FBLN1: variants seen among roughly 807,000 people sequenced by gnomAD.
The protein encoded by FBLN1 is fibulin-1.
In FBLN1, 34 loss-of-function variants were observed where a neutral mutation model predicts 89.7. The ratio of observed to expected loss-of-function variants is 0.38; its 90% CI spans 0.29 to 0.50. FBLN1 has a LOEUF of 0.50. Ranked by LOEUF, FBLN1 falls within the 20% of genes least tolerant of loss-of-function variation. The probability of loss-of-function intolerance (pLI) is 0.92; values close to 1 mark genes in which losing one functional copy is unlikely to be tolerated. For missense variants in FBLN1, 777 were observed against 988.1 expected, an observed-to-expected ratio of 0.79 and a Z score of 2.86; for synonymous variants, 393 against 391.3, an observed-to-expected ratio of 1.00 and a Z score of -0.05.
rs550874569 is a variant in FBLN1, at chr22:45,505,119, A to C, written c.79+2055A>C. ...GAGAAGGGCGCTGATCTTTCTTGCC[A>C]AACGGCCGAGAGGAGCCGCCTGTCT... is the stretch of plus-strand genomic sequence containing the variant. On this transcript the variant is annotated intron_variant, in intron 1 of 16. Coordinates refer to ENST00000327858, the MANE Select transcript of FBLN1 (RefSeq NM_006486.3). 5.9e-5 allele frequency among the ~76,000 whole-genome samples: 9 copies of C among 152,340 alleles called. No homozygotes were observed. The East Asian group carries it at 1.5e-3, about 26-fold the overall frequency.
intron 12 of FBLN1, 118 bp downstream of exon 12, chr22:45,547,322 G>C: frequency 7.1e-7 from 1 of 1,418,436 alleles, no homozygotes; most frequent in Non-Finnish European, 9.7e-7. Flanking sequence ...TTCTTCACCT[G>C]ACAAACCTTC....
intron 14 of FBLN1, among the ~76,000 whole-genome samples, chr22:45,553,427 T>C (rs12158410): frequency 0.073 from 11,102 of 152,264 alleles, 1,323 homozygotes; most frequent in African/African-American, 0.25. Flanking sequence ...TGCTCTGTAA[T>C]ACATTCAGTG....
chr22:45,544,517 A>G (rs1333798938), intron 11 of FBLN1, among the ~76,000 whole-genome samples: 1 of 152,248 alleles, frequency 6.6e-6, no homozygotes, highest in Non-Finnish European at 1.5e-5. Flanking sequence ...TTGGTTGCAC[A>G]TCTCAAAGGG....
intron 16 of FBLN1, among the ~76,000 whole-genome samples, chr22:45,598,342 A>G (rs2089203403): frequency 6.6e-6 from 1 of 152,238 alleles, no homozygotes; most frequent in African/African-American, 2.4e-5. Flanking sequence ...ACGACCAGAG[A>G]GCCACCTGTT....
chr22:45,568,626 TA>T lies in FBLN1; in HGVS notation c.1698-5883del, dbSNP rs1169938035. 9.2e-4 allele frequency among the ~76,000 whole-genome samples: 106 copies of T among 115,578 alleles called. 11 individuals carry two copies. The highest frequency in any genetic ancestry group is 3.5e-3 in the African/African-American group (101 of 28,710). 75.8% of individuals were successfully genotyped at this position (115,578 alleles called of 152,430 possible). A position where few individuals can be genotyped will look rare whatever the true frequency, so the allele number is the denominator to read the frequency against. ...CTTCTGTAAGGGAATGCTCCTCCTG[TA>T]AGGGAATGCCTCTTCTGTGGGAGAA... On this transcript the variant is annotated intron_variant, in intron 14 of 16. Transcript: ENST00000327858.
intron 14 of FBLN1, chr22:45,564,854 G>A: frequency 6.2e-7 from 1 of 1,613,090 alleles, no homozygotes; most frequent in Non-Finnish European, 8.5e-7. Flanking sequence ...CATTTCTGTG[G>A]CTGTGACACT....
At chr22:45,534,002 CTG>C in intron 7 of FBLN1, 104 bp downstream of exon 7, 1 of 1,499,790 alleles carries the variant, frequency 6.7e-7, no homozygotes, top group Non-Finnish European at 9.2e-7. Context: ...CCTGCGCCCT[CTG>C]TGGCTGCCTG....
Position 45,532,056 on chromosome 22 carries a change from A to G in FBLN1, c.544+732A>G, listed in dbSNP as rs752954766. 1.3e-5 allele frequency among the ~76,000 whole-genome samples: 2 copies of G among 152,312 alleles called. No individual in the cohort carries two copies. Among genetic ancestry groups the G allele is most frequent in the South Asian group, 2.1e-4 (1 of 4,816 alleles). On this transcript the variant is annotated intron_variant, in intron 5 of 16. Transcript: ENST00000327858. This position sits in a 1 kb window ranked among gnomAD's most constrained non-coding sequence, Gnocchi z 4.2. Reference sequence around the variant, plus strand: ...CTTTTCTTTCATGGAACATTCTGGCATGTCTAGACCTGCAGATCTGCCTCA... The same window carrying G: ...CTTTTCTTTCATGGAACATTCTGGCGTGTCTAGACCTGCAGATCTGCCTCA...
At chr22:45,526,274 C>T (rs1602176419) in intron 3 of FBLN1, among the ~76,000 whole-genome samples, 1 of 152,346 alleles carries the variant, frequency 6.6e-6, no homozygotes, top group East Asian at 1.9e-4. Flanking sequence ...GTCCTCTTCC[C>T]TGAGTGCTCC....
rs1950513064 is a variant in FBLN1, at chr22:45,537,051, G to T, written c.922+1714G>T. 6.6e-6 allele frequency among the ~76,000 whole-genome samples: 1 copy of T among 152,184 alleles called. No individual in the cohort carries two copies. The highest frequency in any genetic ancestry group is 1.5e-5 in the Non-Finnish European group (1 of 68,038). On this transcript the variant is annotated intron_variant, in intron 8 of 16. Coordinates refer to ENST00000327858, the MANE Select transcript of FBLN1 (RefSeq NM_006486.3). The surrounding 1 kb of genome is among the most constrained non-coding windows in gnomAD (Gnocchi z 5.7). The stretch of plus-strand genomic sequence containing the variant: ...CCGGCTCTCCCTCGGCCTCTGCTTG[G>T]CAGACGCCCCTGGGTCCTGCCTTTG...
At chr22:45,567,271 A>G (rs2088908021) in intron 14 of FBLN1, among the ~76,000 whole-genome samples, 1 of 152,198 alleles carries the variant, frequency 6.6e-6, no homozygotes, top group African/African-American at 2.4e-5. Context: ...TAGCTAAAGG[A>G]GGAGGCAGTG....
In FBLN1 at chr22:45,545,543, A is replaced by T. The variant is rs905194951; in HGVS notation, c.1322-1542A>T. 6.6e-6 allele frequency among the ~76,000 whole-genome samples: 1 copy of T among 152,218 alleles called. No individual in the cohort carries two copies. Among genetic ancestry groups the T allele is most frequent in the Non-Finnish European group, 1.5e-5 (1 of 68,040 alleles). On this transcript the variant is annotated intron_variant, in intron 11 of 16. Transcript: ENST00000327858. The surrounding 1 kb of genome is among the most constrained non-coding windows in gnomAD (Gnocchi z 5.9). ...CACATTAGTGGACAATATTGTGGAT[A>T]TAGAACCAGAGCCTGGCCAACCTTG...
At chr22:45,527,765 G>C in intron 3 of FBLN1, 82 bp from the exon 4 acceptor site, 1 of 1,472,516 alleles carries the variant, frequency 6.8e-7, no homozygotes, top group Non-Finnish European at 9.4e-7. Context: ...GGGGCTCAGA[G>C]AGGCCTCCCC....
At chr22:45,503,676 C>T (rs1273555994) in intron 1 of FBLN1, among the ~76,000 whole-genome samples, 1 of 152,122 alleles carries the variant, frequency 6.6e-6, no homozygotes, top group Non-Finnish European at 1.5e-5. Flanking sequence ...CGGACCTGGC[C>T]ACCTCCTCCC....
chr22:45,528,581 G>A (rs889619784), intron 4 of FBLN1, among the ~76,000 whole-genome samples: 1 of 152,192 alleles, frequency 6.6e-6, no homozygotes, highest in Non-Finnish European at 1.5e-5. Flanking sequence ...CTGACCTCAG[G>A]TAATCCACCT....
Position 45,503,677 on chromosome 22 carries a change from A to G in FBLN1, c.79+613A>G, listed in dbSNP as rs531016336. On this transcript the variant is annotated intron_variant, in intron 1 of 16. Transcript: ENST00000327858. The stretch of plus-strand genomic sequence containing the variant: ...GGATGGAGGGGATGCGGACCTGGCC[A>G]CCTCCTCCCTGCCTCCCTCCCGGGA... Among the ~76,000 whole-genome samples the G allele has an allele frequency of 1.3e-3, 196 of 151,994 alleles. 1 individual carries two copies. The highest frequency in any genetic ancestry group is 4.4e-3 in the African/African-American group (184 of 41,448).
Position 45,564,856 on chromosome 22 carries a change from T to C in FBLN1, c.1698-9655T>C, listed in dbSNP as rs780438045. 3.7e-6 allele frequency: 6 copies of C among 1,613,206 alleles called. No homozygotes were observed. In the South Asian group the frequency reaches 4.4e-5, roughly 12 times the overall value. ...CTTATGTCACTAGCATTTCTGTGGC[T>C]GTGACACTGTGCTGACACTGTTTCC... is the stretch of plus-strand genomic sequence containing the variant. On this transcript the variant is annotated intron_variant, in intron 14 of 16. Coordinates refer to ENST00000327858, the MANE Select transcript of FBLN1 (RefSeq NM_006486.3).
At chr22:45,596,058 A>T (rs1247179102) in intron 16 of FBLN1, among the ~76,000 whole-genome samples, 1 of 152,010 alleles carries the variant, frequency 6.6e-6, no homozygotes, top group Non-Finnish European at 1.5e-5. Flanking sequence ...TTTAGTAGAG[A>T]CGGGGTTTCA....
chr22:45,591,534 A>G (rs1212902955), intron 16 of FBLN1, among the ~76,000 whole-genome samples: 2 of 152,132 alleles, frequency 1.3e-5, no homozygotes, highest in Admixed American at 1.3e-4. Context: ...CCATCAAGAA[A>G]TACGGATGAT....
Sources: gnomAD v4.1 joint callset for allele counts (sites outside exome capture counted in the v4.1 genomes callset) on GRCh38, gnomAD v4.1.1 for gene constraint, Gnocchi (gnomAD v3.1) non-coding constraint, MANE v1.5 for transcripts, NCBI Gene and HGNC (gene_info 2026-07-23, HGNC 2026-07-21) for gene names.